COG1: variants seen among roughly 807,000 people sequenced by gnomAD.
COG1 encodes the protein component of oligomeric golgi complex 1.
In COG1, 61 loss-of-function variants were observed where a neutral mutation model predicts 102.2. That is an observed-to-expected ratio of 0.60 (90% CI 0.49 to 0.74). COG1 has a LOEUF of 0.74. Ranked by LOEUF, COG1 falls within the 30% of genes least tolerant of loss-of-function variation. The pLI is 0.00. For missense variants in COG1, 1,164 were observed against 1,232.1 expected (o/e 0.94, Z 0.83); for synonymous variants, 454 against 493.6 (o/e 0.92, Z 1.06).
Position 73,201,454 on chromosome 17 carries a change from C to A in COG1, c.1627C>A (p.Leu543Met), listed in dbSNP as rs754567787. ...TTACCTCCCCTCTGATGACTCATCA[C>A]TGCCCAAGGACGTTTCTCCCACACA... is the stretch of plus-strand genomic sequence containing the variant. ...LAYLPSDDSSLPKDVSPTQAK... is the reference protein window; with the variant it reads ...LAYLPSDDSSMPKDVSPTQAK... Residue 543 changes from leucine to methionine, a missense_variant, in exon 7 of 14, where the codon CTG (leucine) becomes ATG (methionine). Transcript: ENST00000299886. 2.5e-6 allele frequency: 4 copies of A among 1,614,262 alleles called. No homozygotes were observed. The South Asian group carries it at 4.4e-5, about 18-fold the overall frequency.
chr17:73,201,031 A>G, intron 6 of COG1, 78 bp from the exon 7 acceptor site: 1 of 1,336,082 alleles, frequency 7.5e-7, no homozygotes, highest in South Asian at 1.2e-5. Flanking sequence ...ATGCTAGGAT[A>G]AATTACCATT....
Position 73,197,061 on chromosome 17 carries a change from T to G in COG1, c.722T>G (p.Leu241Arg). ...GCCAGAAAGGCAACTATTCAGAAAC[T>G]TCTCAACCAGCCACACCATGGTGGG... is the stretch of plus-strand genomic sequence containing the variant. ...LLARKATIQKLLNQPHHGAGI... is the reference protein window; with the variant it reads ...LLARKATIQKRLNQPHHGAGI... The change falls in exon 3 of 14, where the codon CTT becomes CGT. Residue 241 changes from leucine to arginine, a missense_variant. Coordinates refer to ENST00000299886, the MANE Select transcript of COG1 (RefSeq NM_018714.3). 1 of 1,614,158 alleles carries G rather than the reference T, an allele frequency of 6.2e-7. No individual in the cohort carries two copies. The highest frequency in any genetic ancestry group is 8.5e-7 in the Non-Finnish European group (1 of 1,180,046).
intron 5 of COG1, 148 bp downstream of exon 5, chr17:73,200,169 A>T: frequency 2.0e-6 from 2 of 979,544 alleles, no homozygotes; most frequent in Non-Finnish European, 3.1e-6. Flanking sequence ...TCTGTGACCC[A>T]TTGCCACCTT....
intron 12 of COG1, 89 bp from the exon 13 acceptor site, chr17:73,207,092 C>CAAACAAAAAA (rs2061379045): frequency 1.5e-6 from 1 of 684,708 alleles, no homozygotes; most frequent in African/African-American, 2.7e-5. Context: ...GACTCTGTCT[C>CAAACAAAAAA]AAAAAAAAAA....
intron 9 of COG1, among the ~76,000 whole-genome samples, chr17:73,204,291 G>A (rs1245849168): frequency 1.3e-5 from 2 of 152,184 alleles, no homozygotes; most frequent in East Asian, 1.9e-4. Context: ...ATTAACCTCC[G>A]TTTCCTTAGG....
intron 4 of COG1, among the ~76,000 whole-genome samples, chr17:73,199,475 C>T (rs767457105): frequency 1.3e-5 from 2 of 152,216 alleles, no homozygotes; most frequent in Non-Finnish European, 2.9e-5. Flanking sequence ...GGACCTCACA[C>T]GTGTCCCGTA....
intron 13 of COG1, chr17:73,207,636 G>A: frequency 1.7e-6 from 2 of 1,194,780 alleles, no homozygotes; most frequent in South Asian, 1.3e-5. Flanking sequence ...AGTTGGGTGG[G>A]AAGTAACAGA....
At chr17:73,195,931 C>T (rs2061323545) in intron 1 of COG1, among the ~76,000 whole-genome samples, 1 of 152,124 alleles carries the variant, frequency 6.6e-6, no homozygotes, top group Non-Finnish European at 1.5e-5. Context: ...TAAGGAGGGA[C>T]CTTAAGGGCA....
intron 11 of COG1, 113 bp downstream of exon 11, chr17:73,206,375 A>C: frequency 3.5e-6 from 3 of 849,814 alleles, no homozygotes; most frequent in Non-Finnish European, 6.0e-6. Flanking sequence ...GAGGGGAATA[A>C]GACACAAATA....
At position 73,193,318 on chromosome 17, in the gene COG1, C is replaced by G; in HGVS notation, c.249C>G (p.Thr83=). 1 of 1,570,064 alleles carries G rather than the reference C, an allele frequency of 6.4e-7. No homozygotes were observed. Among genetic ancestry groups the G allele is most frequent in the South Asian group, 1.2e-5 (1 of 86,188 alleles). The change falls in exon 1 of 14, where the codon ACC becomes ACG. Residue 83 remains threonine (T), a synonymous_variant. Coordinates refer to ENST00000299886, the MANE Select transcript of COG1 (RefSeq NM_018714.3). ...GGCTAGTGGACGCCGTGAAGGCCAC[C>G]GACCAGTACTGCGCCCGCCTCCGCC... is the stretch of plus-strand genomic sequence containing the variant. ...AVGLVDAVKA[T]DQYCARLRQA... is the part of the protein sequence containing the mutation.
In COG1 at chr17:73,205,659, G is replaced by A; in HGVS notation, c.2489G>A (p.Gly830Asp). 6.2e-7 allele frequency: 1 copy of A among 1,613,802 alleles called. No individual in the cohort carries two copies. The highest frequency in any genetic ancestry group is 8.5e-7 in the Non-Finnish European group (1 of 1,179,950). ...GCCAAGGGTGACGAGGTGAAGAGTG[G>A]CCGGAGCAAGCCAGACTCCAGGTGT... ...LTAKGDEVKS[G>D]RSKPDSRIEK... Residue 830 changes from glycine (G) to aspartate (D), a missense_variant, in exon 10 of 14, where the codon GGC (glycine) becomes GAC (aspartate). By Grantham distance (94) the Gly-to-Asp change is moderately conservative. Transcript: ENST00000299886.
chr17:73,205,761 C>A, intron 10 of COG1, 81 bp downstream of exon 10: 2 of 1,563,414 alleles, frequency 1.3e-6, no homozygotes, highest in South Asian at 1.1e-5. Context: ...CCACCAGAGT[C>A]AGCCTGTTAT....
intron 7 of COG1, among the ~76,000 whole-genome samples, chr17:73,202,541 A>G (rs2061351427): frequency 2.0e-5 from 3 of 152,124 alleles, no homozygotes; most frequent in South Asian, 2.1e-4. Context: ...TAATCCTAGC[A>G]CTTTGGGAGG....
Position 73,208,345 on chromosome 17 carries a change from A to C in COG1, c.2837A>C (p.Asp946Ala). ...VVPPARSTAG[D>A]PTVPGSLFRQ... ...CCCCCGGCACGCTCCACAGCTGGTG[A>C]CCCGACAGTTCCTGGCTCCTTGTTC... is the stretch of plus-strand genomic sequence containing the variant. The change falls in exon 14 of 14, where the codon GAC (aspartate) becomes GCC (alanine). Residue 946 changes from aspartate (D) to alanine (A), a missense_variant. Physicochemically the swap from Asp to Ala is moderately radical, Grantham distance 126. Coordinates refer to ENST00000299886, the MANE Select transcript of COG1 (RefSeq NM_018714.3). 6.2e-7 allele frequency: 1 copy of C among 1,614,060 alleles called. No individual in the cohort carries two copies. Among genetic ancestry groups the C allele is most frequent in the Non-Finnish European group, 8.5e-7 (1 of 1,180,008 alleles).
chr17:73,205,794 T>C, intron 10 of COG1, 114 bp downstream of exon 10: 1 of 1,387,588 alleles, frequency 7.2e-7, no homozygotes, highest in South Asian at 1.2e-5. Flanking sequence ...TTGTGTTTGT[T>C]TTGAACAGTA....
intron 2 of COG1, 56 bp from the exon 3 acceptor site, chr17:73,196,844 G>C: frequency 6.2e-7 from 1 of 1,613,680 alleles, no homozygotes; most frequent in Non-Finnish European, 8.5e-7. Flanking sequence ...ATGTACCAAA[G>C]CTCTTTACCC....
At chr17:73,205,864 A>G in intron 10 of COG1, 184 bp downstream of exon 10, 5 of 794,046 alleles carry the variant, frequency 6.3e-6, no homozygotes, top group Non-Finnish European at 1.1e-5. Context: ...GCAATGGTCA[A>G]GTGAAATAGG....
At chr17:73,199,296 T>C (rs940109801) in intron 4 of COG1, among the ~76,000 whole-genome samples, 2 of 151,404 alleles carry the variant, frequency 1.3e-5, no homozygotes, top group Non-Finnish European at 2.9e-5. Flanking sequence ...CCATTACCTT[T>C]TGCTTTTTTG....
Position 73,208,423 on chromosome 17 carries a change from T to C in COG1, c.2915T>C (p.Leu972Pro). Residue 972 changes from leucine (L) to proline (P), a missense_variant, in exon 14 of 14, where the codon CTT (leucine) becomes CCT (proline). By Grantham distance (98) the Leu-to-Pro change is moderately conservative. Coordinates refer to ENST00000299886, the MANE Select transcript of COG1 (RefSeq NM_018714.3). ...DNTSAPSLFK[L>P]GWLSSMTK ...ACGTCTGCACCTTCATTATTCAAAC[T>C]TGGCTGGCTCTCTAGTATGACTAAG... 6.2e-7 allele frequency: 1 copy of C among 1,614,206 alleles called. No homozygotes were observed. The highest frequency in any genetic ancestry group is 8.5e-7 in the Non-Finnish European group (1 of 1,180,038).
Sources: allele counts gnomAD v4.1 joint callset (sites outside exome capture counted in the v4.1 genomes callset), GRCh38; gene constraint gnomAD v4.1.1; transcripts MANE v1.5; gene names NCBI Gene and HGNC (gene_info 2026-07-23, HGNC 2026-07-21).